Variants in PZP observed in about 807,000 individuals in gnomAD.
The protein encoded by PZP is PZP alpha-2-macroglobulin like.
A neutral mutation model predicts 179.8 loss-of-function variants in PZP; 150 were observed. That is an observed-to-expected ratio of 0.83 (90% CI 0.73 to 0.96). The LOEUF is 0.96. Among genes scored for constraint, PZP ranks in the 40% least tolerant of loss-of-function variants. The pLI is 0.00. For synonymous variants in PZP, 624 were observed against 652.3 expected (o/e 0.96, Z 0.66); for missense variants, 1,689 against 1,764.0 (o/e 0.96, Z 0.76).
rs147548434 is a variant in PZP at position 9,200,569 on chromosome 12, A to G, written c.671-121T>C. ...CTCTGAATGTTAGATTTACTTTCCA[A>G]TGTATCAACTTTAAGATGGTAAGGT... On this transcript the variant is annotated intron_variant, in intron 6 of 35. Coordinates refer to ENST00000261336, the MANE Select transcript of PZP (RefSeq NM_002864.3). 588 of 787,756 alleles carry G rather than the reference A, an allele frequency of 7.5e-4. 5 individuals carry two copies. The East Asian group carries it at 0.014, about 18-fold the overall frequency. 48.8% of individuals were successfully genotyped at this position (787,756 alleles called of 1,614,324 possible).
At chr12:9,202,113 T>A (rs1253717552) in intron 4 of PZP, among the ~76,000 whole-genome samples, 1 of 152,188 alleles carries the variant, frequency 6.6e-6, no homozygotes, top group Non-Finnish European at 1.5e-5. Flanking sequence ...CCAGACTGAT[T>A]AAATACTGTT....
At position 9,203,017 on chromosome 12, in the gene PZP, G is replaced by A. The variant is rs139832691; in HGVS notation, c.268-333C>T. Among the ~76,000 whole-genome samples, 29 of 152,306 alleles carry A rather than the reference G, an allele frequency of 1.9e-4. No homozygotes were observed. In the East Asian group the frequency reaches 5.6e-3, roughly 29 times the overall value. ...AGAGCATAGGAGCTGAGTTTCCCAA[G>A]TTAGGCAACTTTAAAGAGGTACTAG... On this transcript the variant is annotated intron_variant, in intron 2 of 35. Coordinates refer to ENST00000261336, the MANE Select transcript of PZP (RefSeq NM_002864.3).
In PZP at chr12:9,157,768, G is replaced by A. The variant is rs1940869385; in HGVS notation, c.3368C>T (p.Thr1123Ile). The A allele has an allele frequency of 1.2e-6, 2 of 1,613,430 alleles. No individual in the cohort carries two copies. Among genetic ancestry groups the A allele is most frequent in the Non-Finnish European group, 1.7e-6 (2 of 1,179,354 alleles). ...GAATGGGATTGAGCTGGTACCTACA[G>A]TGACTGGGAGAGGAATTTCCAGAAG... ...IALLEIPLPV[T>I]NPIVRNALFC... Residue 1123 changes from threonine (T) to isoleucine (I), a missense_variant and splice_region_variant, in exon 27 of 36, where the codon ACT (threonine) becomes ATT (isoleucine). Thr to Ile is a moderately conservative substitution (Grantham distance 89). This residue lies in a region of PZP where 746 missense variants were observed against 749.2 expected (regional missense o/e 1.00). Transcript: ENST00000261336.
chr12:9,163,388 G>A (rs1053887924), intron 21 of PZP, among the ~76,000 whole-genome samples: 2 of 151,288 alleles, frequency 1.3e-5, no homozygotes, highest in African/African-American at 4.9e-5. Flanking sequence ...GGGAGGCAGA[G>A]CTTTCAGTGA....
chr12:9,192,739 C>T lies in PZP; in HGVS notation c.1255G>A (p.Val419Ile). ...SISVNKLFVRVFTVHPNLCFH... is the reference protein window; with the variant it reads ...SISVNKLFVRIFTVHPNLCFH... ...CACAAGTTGGGATGCACAGTGAAAACCTGAGTAAACAGAAAAGCAAAGAAA... is the reference window on the plus strand; with the variant it reads ...CACAAGTTGGGATGCACAGTGAAAATCTGAGTAAACAGAAAAGCAAAGAAA... The change falls in exon 12 of 36, where the codon GTT becomes ATT. Residue 419 changes from valine to isoleucine, a missense_variant and splice_region_variant. Transcript: ENST00000261336. 2 of 1,588,636 alleles carry T rather than the reference C, an allele frequency of 1.3e-6. No homozygotes were observed. The highest frequency in any genetic ancestry group is 1.7e-6 in the Non-Finnish European group (2 of 1,158,246).
chr12:9,181,497 TACTC>T (rs1238431816), intron 14 of PZP, among the ~76,000 whole-genome samples: 2 of 152,218 alleles, frequency 1.3e-5, no homozygotes, highest in African/African-American at 4.8e-5. Flanking sequence ...CACATTAATT[TACTC>T]ACTCTTTTAA....
In PZP at chr12:9,181,905, T is replaced by C. The variant is rs761573750; in HGVS notation, c.1689+70A>G. The stretch of plus-strand genomic sequence containing the variant: ...TTACTTTTCTGGACTTAGTTTTCTC[T>C]GGGGTAAAATAGATGGCACCTACAG... On this transcript the variant is annotated intron_variant, in intron 14 of 35. Coordinates refer to ENST00000261336, the MANE Select transcript of PZP (RefSeq NM_002864.3). 5.3e-6 allele frequency: 8 copies of C among 1,512,594 alleles called. No individual in the cohort carries two copies. The African/African-American group carries it at 1.1e-4, about 21-fold the overall frequency. The allele number at this position is 1,512,594 out of a possible 1,614,324, so 93.7% of individuals were successfully genotyped here.
Position 9,202,304 on chromosome 12 carries a change from A to G in PZP, c.480+15T>C, listed in dbSNP as rs200206686. On this transcript the variant is annotated intron_variant, in intron 4 of 35. Coordinates refer to ENST00000261336, the MANE Select transcript of PZP (RefSeq NM_002864.3). ...ACTCTACCCACAACCCAAACCACAG[A>G]TAGTGGATGCTTACCAGTTCATTTC... 2.9e-5 allele frequency: 46 copies of G among 1,606,544 alleles called. No individual in the cohort carries two copies. Among genetic ancestry groups the G allele is most frequent in the African/African-American group, 1.5e-4 (11 of 74,762 alleles).
chr12:9,194,972 T>C (rs1461903244), intron 10 of PZP, among the ~76,000 whole-genome samples: 1 of 152,196 alleles, frequency 6.6e-6, no homozygotes, highest in Non-Finnish European at 1.5e-5. Flanking sequence ...ATAATAGTTG[T>C]GCCTCCTTTA....
intron 5 of PZP, 74 bp from the exon 6 acceptor site, chr12:9,201,134 AG>A: frequency 1.3e-6 from 2 of 1,555,392 alleles, no homozygotes; most frequent in Non-Finnish European, 1.8e-6. Context: ...ATGATTTTGA[AG>A]GTGATAATTA....
Position 9,192,598 on chromosome 12 carries a change from A to G in PZP, c.1396T>C (p.Cys466Arg), listed in dbSNP as rs778237906. The part of the protein sequence containing the change: ...HLEPVAGTLP[C>R]GHTETITAHY... ...GCCGTGATAGTCTCCGTGTGGCCAC[A>G]GGGCAGGGTACCAGCCACAGGCTCC... The change falls in exon 12 of 36, where the codon TGT becomes CGT. Residue 466 changes from cysteine to arginine, a missense_variant. Coordinates refer to ENST00000261336, the MANE Select transcript of PZP (RefSeq NM_002864.3). The G allele has an allele frequency of 2.6e-5, 42 of 1,614,096 alleles. No homozygotes were observed. The Admixed American group carries it at 7.0e-4, about 27-fold the overall frequency.
chr12:9,142,145 T>C, the PZP span, among the ~76,000 whole-genome samples: 1 of 152,204 alleles, frequency 6.6e-6, no homozygotes, highest in African/African-American at 2.4e-5. Context: ...TTTGTATAAA[T>C]TCTCTTTTCT....
intron 10 of PZP, among the ~76,000 whole-genome samples, chr12:9,194,499 C>G (rs1322477379): frequency 7.9e-6 from 1 of 126,598 alleles, no homozygotes; most frequent in Non-Finnish European, 1.6e-5. Context: ...GAGTCTCGCT[C>G]TGTCGCCCAG....
intron 35 of PZP, 27 bp downstream of exon 35, chr12:9,149,534 T>G: frequency 6.2e-7 from 1 of 1,603,350 alleles, no homozygotes; most frequent in South Asian, 1.1e-5. Context: ...TGCCATCTAG[T>G]ACTGGTCATA....
chr12:9,165,445 A>G, intron 18 of PZP, 78 bp from the exon 19 acceptor site: 1 of 1,507,664 alleles, frequency 6.6e-7, no homozygotes, highest in Admixed American at 1.8e-5. Flanking sequence ...ATATGCATAA[A>G]GCTAACGTCA....
chr12:9,138,154 C>T, the PZP span, among the ~76,000 whole-genome samples: 3 of 151,882 alleles, frequency 2.0e-5, no homozygotes, highest in Admixed American at 6.6e-5. Flanking sequence ...ATCTATGGGC[C>T]TTTCATATAT....
chr12:9,182,145 T>TGGTCATAAGTGAGACAAAAC, intron 13 of PZP, 28 bp from the exon 14 acceptor site: 1 of 1,607,508 alleles, frequency 6.2e-7, no homozygotes, highest in Non-Finnish European at 8.5e-7. Context: ...TGAGACAAAA[T>TGGTCATAAGTGAGACAAAAC]GGTCATAAGT....
rs763018373 is a variant in PZP at position 9,194,275 on chromosome 12, A to T, written c.1093-37T>A. 5 of 1,599,622 alleles carry T rather than the reference A, an allele frequency of 3.1e-6. No homozygotes were observed. In the South Asian group the frequency reaches 4.4e-5, roughly 14 times the overall value. ...AAGTACTTGATAGTTGATGTGAACA[A>T]CACCCAGAGAGGACTGAACTCATGT... On this transcript the variant is annotated intron_variant, in intron 10 of 35. Coordinates refer to ENST00000261336, the MANE Select transcript of PZP (RefSeq NM_002864.3).
At chr12:9,158,740 CTTTTTTCTTTTCTTTTCTTTT>C (rs1940945465) in intron 25 of PZP, among the ~76,000 whole-genome samples, 164 bp from the exon 26 acceptor site, 2 of 125,694 alleles carry the variant, frequency 1.6e-5, no homozygotes, top group Non-Finnish European at 3.4e-5. Context: ...ATCTCTTTTT[CTTTTTTCTTTTCTTTTCTTTT>C]TTTTTTTTTT....
Sources: allele counts gnomAD v4.1 joint callset (sites outside exome capture counted in the v4.1 genomes callset), GRCh38; gene constraint gnomAD v4.1.1; regional missense constraint gnomAD v4.1.1; transcripts MANE v1.5; gene names NCBI Gene and HGNC (gene_info 2026-07-23, HGNC 2026-07-21).